LTBP1: variants seen among roughly 807,000 people sequenced by gnomAD.
LTBP1 encodes latent transforming growth factor beta binding protein 1, also known as latent-transforming growth factor beta-binding protein 1.
LTBP1 carries 129 observed loss-of-function variants against 207.6 expected under a neutral mutation model. The ratio of observed to expected loss-of-function variants is 0.62; its 90% CI spans 0.54 to 0.72. The LOEUF (loss-of-function observed/expected upper bound fraction) is 0.72. Ranked by LOEUF, LTBP1 falls within the 30% of genes least tolerant of loss-of-function variation. The pLI is 0.00. For synonymous variants in LTBP1, 963 were observed against 833.7 expected, an observed-to-expected ratio of 1.16 and a Z score of -2.67; for missense variants, 2,281 against 2,217.2, an observed-to-expected ratio of 1.03 and a Z score of -0.58.
chr2:33,138,881 C>T (rs867487709), intron 5 of LTBP1, among the ~76,000 whole-genome samples: 21 of 92,764 alleles, frequency 2.3e-4, no homozygotes, highest in Admixed American at 1.1e-3. Context: ...TTTTTTGAGA[C>T]GGAGTCTCGC....
chr2:32,949,831 A>G (rs973681710), intron 2 of LTBP1, among the ~76,000 whole-genome samples: 5 of 152,242 alleles, frequency 3.3e-5, no homozygotes, highest in Non-Finnish European at 7.3e-5. Flanking sequence ...GATACAGTCA[A>G]TCTGGTGACC....
At chr2:33,050,464 C>T (rs548409812) in intron 3 of LTBP1, among the ~76,000 whole-genome samples, 1 of 152,110 alleles carries the variant, frequency 6.6e-6, no homozygotes, top group Non-Finnish European at 1.5e-5. Context: ...AAAGAGTACA[C>T]ACAACTCACC....
At chr2:33,166,741 C>G (rs2084952585) in intron 5 of LTBP1, among the ~76,000 whole-genome samples, 1 of 152,138 alleles carries the variant, frequency 6.6e-6, no homozygotes. Context: ...AATGAATAGG[C>G]ATATTTTAAT....
At chr2:32,959,621 A>ATATATATATTTTTTTT (rs1475834284) in intron 2 of LTBP1, among the ~76,000 whole-genome samples, 2 of 36,666 alleles carry the variant, frequency 5.5e-5, no homozygotes, top group Admixed American at 5.3e-4. Context: ...ATATATATAT[A>ATATATATATTTTTTTT]TTTTTTTTTT....
At chr2:33,282,531 T>C (rs115320934) in intron 19 of LTBP1, among the ~76,000 whole-genome samples, 2,390 of 152,298 alleles carry the variant, frequency 0.016, 75 homozygotes, top group African/African-American at 0.055. Flanking sequence ...CCTTTCTACT[T>C]ACATTGAACC....
At chr2:33,350,803 A>C (rs1214694749) in intron 26 of LTBP1, among the ~76,000 whole-genome samples, 1 of 150,936 alleles carries the variant, frequency 6.6e-6, no homozygotes, top group Non-Finnish European at 1.5e-5. Context: ...CTCAATAAAA[A>C]CTTTATGTCT....
At chr2:33,242,595 A>C (rs1281901931) in intron 9 of LTBP1, among the ~76,000 whole-genome samples, 1 of 148,996 alleles carries the variant, frequency 6.7e-6, no homozygotes, top group East Asian at 2.0e-4. Context: ...TTTTTCTTAG[A>C]TTAGGAGCCT....
At chr2:33,313,297 T>A (rs1405479486) in intron 23 of LTBP1, among the ~76,000 whole-genome samples, 1 of 152,228 alleles carries the variant, frequency 6.6e-6, no homozygotes, top group Admixed American at 6.5e-5. Context: ...TGAATTATGT[T>A]GCAGATGGAA....
At chr2:33,378,383 A>G (rs922072152) in intron 31 of LTBP1, among the ~76,000 whole-genome samples, 3 of 151,722 alleles carry the variant, frequency 2.0e-5, no homozygotes, top group Admixed American at 2.0e-4. Context: ...ACACCACCAC[A>G]CCTGGCTAAT....
intron 4 of LTBP1, among the ~76,000 whole-genome samples, chr2:33,118,830 T>C (rs2150360339): frequency 6.6e-6 from 1 of 152,262 alleles, no homozygotes; most frequent in East Asian, 1.9e-4. Context: ...ACATTCCAGT[T>C]CAGGGAAGCC....
At chr2:33,389,041 C>G in intron 31 of LTBP1, 143 bp from the exon 32 acceptor site, 1 of 1,155,448 alleles carries the variant, frequency 8.7e-7, no homozygotes, top group Non-Finnish European at 1.2e-6. Context: ...TATTCAGACA[C>G]TTTCCAGGCT....
intron 8 of LTBP1, among the ~76,000 whole-genome samples, chr2:33,220,726 C>T (rs115983611): frequency 9.7e-4 from 148 of 152,336 alleles, no homozygotes; most frequent in African/African-American, 3.5e-3. Flanking sequence ...TGCAGGATGC[C>T]TGCTCTAGAG....
At chr2:33,374,041 A>G (rs1257027600) in intron 31 of LTBP1, among the ~76,000 whole-genome samples, 1 of 152,170 alleles carries the variant, frequency 6.6e-6, no homozygotes, top group Admixed American at 6.5e-5. Context: ...AGACGCTCCC[A>G]AAGATCTCAG....
At chr2:33,211,240 TA>T (rs2090288420) in intron 7 of LTBP1, among the ~76,000 whole-genome samples, 1 of 152,206 alleles carries the variant, frequency 6.6e-6, no homozygotes, top group Non-Finnish European at 1.5e-5. Context: ...AGACTTTTAA[TA>T]AATGTGTCCT....
intron 7 of LTBP1, among the ~76,000 whole-genome samples, chr2:33,202,028 C>CACACAG (rs1423983534): frequency 1.0e-3 from 47 of 47,074 alleles, no homozygotes; most frequent in African/African-American, 2.3e-3. Context: ...CTGGAACACA[C>CACACAG]ACACACACAC....
intron 5 of LTBP1, among the ~76,000 whole-genome samples, chr2:33,149,696 C>G (rs1355917843): frequency 6.6e-6 from 1 of 152,122 alleles, no homozygotes; most frequent in Non-Finnish European, 1.5e-5. Context: ...GAAACTGAAA[C>G]AAGAAATGAC....
At position 33,188,716 on chromosome 2, in the gene LTBP1, G is replaced by C. The variant is rs140060436; in HGVS notation, c.1566G>C (p.Ser522=). The part of the protein sequence containing the change: ...KEAQPGQSQV[S]YQGLPVQKTQ... Reference sequence around the variant, plus strand: ...CTCAACCAGGCCAATCCCAAGTCTCGTACCAAGGGCTTCCTGTCCAGAAGA... The same window carrying C: ...CTCAACCAGGCCAATCCCAAGTCTCCTACCAAGGGCTTCCTGTCCAGAAGA... Residue 522 remains serine (S), a synonymous_variant, in exon 7 of 34, where the codon TCG becomes TCC. Transcript: ENST00000404816. The C allele has an allele frequency of 1.2e-6, 2 of 1,613,972 alleles. No individual in the cohort carries two copies. Among genetic ancestry groups the C allele is most frequent in the Non-Finnish European group, 1.7e-6 (2 of 1,180,026 alleles).
At chr2:33,065,214 TAA>T (rs2077448725) in intron 3 of LTBP1, among the ~76,000 whole-genome samples, 1 of 152,180 alleles carries the variant, frequency 6.6e-6, no homozygotes, top group Admixed American at 6.5e-5. Context: ...TATGGTTAGT[TAA>T]ATCAATTAAG....
Position 33,251,836 on chromosome 2 carries a change from G to C in LTBP1, c.2000-841G>C, listed in dbSNP as rs188736721. On this transcript the variant is annotated intron_variant, in intron 10 of 33. Transcript: ENST00000404816. ...GCACCTTTGGCCTGACCTGGACCTG[G>C]TTCTGTAGAATACACTCCATCCATA... is the stretch of plus-strand genomic sequence containing the variant. Among the ~76,000 whole-genome samples, 320 of 152,138 alleles carry C rather than the reference G, an allele frequency of 2.1e-3. 1 individual carries two copies. Among genetic ancestry groups the C allele is most frequent in the African/African-American group, 4.3e-3 (178 of 41,490 alleles).
Sources: allele counts gnomAD v4.1 joint callset (sites outside exome capture counted in the v4.1 genomes callset), GRCh38; gene constraint gnomAD v4.1.1; transcripts MANE v1.5; gene names NCBI Gene and HGNC (gene_info 2026-07-23, HGNC 2026-07-21).